KTN1: variants seen among roughly 807,000 people sequenced by gnomAD.
The protein encoded by KTN1 is kinectin.
A neutral mutation model predicts 222.5 loss-of-function variants in KTN1; 130 were observed. The ratio of observed to expected loss-of-function variants is 0.58; its 90% CI spans 0.51 to 0.68. The LOEUF is 0.68. Ranked by LOEUF, KTN1 falls within the 30% of genes least tolerant of loss-of-function variation. KTN1 has a pLI of 0.00. For synonymous variants in KTN1, 512 were observed against 496.3 expected, an observed-to-expected ratio of 1.03 and a Z score of -0.42; for missense variants, 1,508 against 1,500.4, an observed-to-expected ratio of 1.01 and a Z score of -0.08.
chr14:55,628,164 G>T, intron 6 of KTN1, 136 bp downstream of exon 6: 1 of 606,084 alleles, frequency 1.6e-6, no homozygotes, highest in Non-Finnish European at 2.9e-6. Context: ...TAGAGTTTTG[G>T]GAGGGTAGAT....
At chr14:55,581,442 GGTGTGTGTGT>G (rs369432241) in intron 1 of KTN1, among the ~76,000 whole-genome samples, 1 of 150,664 alleles carries the variant, frequency 6.6e-6, no homozygotes, top group African/African-American at 2.4e-5. Context: ...TAACTGTTAA[GGTGTGTGTGT>G]GTGTGTGAGT....
intron 1 of KTN1, among the ~76,000 whole-genome samples, chr14:55,608,687 G>T (rs944778492): frequency 2.0e-5 from 3 of 150,700 alleles, no homozygotes; most frequent in Middle Eastern, 3.4e-3. Context: ...GCAGTGGCGC[G>T]ATCTCAGCTT....
intron 3 of KTN1, 122 bp downstream of exon 3, chr14:55,616,776 T>C (rs2038460952): frequency 1.4e-6 from 1 of 709,918 alleles, no homozygotes; most frequent in Non-Finnish European, 2.3e-6. Flanking sequence ...ACAACTGTAA[T>C]ACTAATGCAG....
chr14:55,652,780 G>C (rs370014468), intron 25 of KTN1, 70 bp from the exon 26 acceptor site: 20 of 983,250 alleles, frequency 2.0e-5, no homozygotes, highest in East Asian at 7.4e-5. Context: ...ACTTTTTTCA[G>C]TGTCTAAGAT....
At chr14:55,649,640 A>C (rs2042741522) in intron 21 of KTN1, 136 bp from the exon 22 acceptor site, 1 of 590,922 alleles carries the variant, frequency 1.7e-6, no homozygotes, top group African/African-American at 2.0e-5. Flanking sequence ...ACATTAAAAA[A>C]GTCTCGAAAG....
chr14:55,671,841 A>G lies in KTN1; in HGVS notation c.3495A>G (p.Lys1165=). The change falls in exon 37 of 44, where the codon AAA becomes AAG. Residue 1165 remains lysine, a synonymous_variant. Transcript: ENST00000395314. ...TTGAGCAAGAAGAAAATAAATGGAA[A>G]GTTAAGGTCGATGAATCACACAAGA... ...RSVEQEENKW[K]VKVDESHKTI... 1 of 1,609,470 alleles carries G rather than the reference A, an allele frequency of 6.2e-7. No homozygotes were observed. The highest frequency in any genetic ancestry group is 8.5e-7 in the Non-Finnish European group (1 of 1,175,908).
At chr14:55,604,412 A>G (rs541355182) in intron 1 of KTN1, among the ~76,000 whole-genome samples, 3 of 152,252 alleles carry the variant, frequency 2.0e-5, no homozygotes, top group South Asian at 4.2e-4. Context: ...ATTCTACTCT[A>G]AATTTTAACC....
intron 22 of KTN1, among the ~76,000 whole-genome samples, chr14:55,650,020 A>G (rs191474677): frequency 6.3e-4 from 96 of 151,620 alleles, no homozygotes; most frequent in African/African-American, 2.1e-3. Flanking sequence ...AAAAAAAACT[A>G]TTTCCAGAGG....
intron 1 of KTN1, among the ~76,000 whole-genome samples, chr14:55,604,575 C>G (rs562960450): frequency 6.6e-6 from 1 of 152,144 alleles, no homozygotes; most frequent in Non-Finnish European, 1.5e-5. Context: ...CTACTTGTTA[C>G]CCTTTCATAT....
At position 55,675,865 on chromosome 14, in the gene KTN1, A is replaced by G. The variant is rs1403434421; in HGVS notation, c.3802A>G (p.Lys1268Glu). The G allele has an allele frequency of 3.1e-6, 5 of 1,613,344 alleles. No individual in the cohort carries two copies. The South Asian group carries it at 4.4e-5, about 14-fold the overall frequency. The change falls in exon 41 of 44, where the codon AAA becomes GAA. Residue 1268 changes from lysine (K) to glutamate (E), a missense_variant. By Grantham distance (56) the Lys-to-Glu change is moderately conservative. Coordinates refer to ENST00000395314, the MANE Select transcript of KTN1 (RefSeq NM_001079521.2). ...LKAQLNETLT[K>E]LRTEQNERQK... ...GGCACAGTTAAATGAAACACTCACAAAACTTAGAACTGAACAAAATGAAAG... is the reference window on the plus strand; with the variant it reads ...GGCACAGTTAAATGAAACACTCACAGAACTTAGAACTGAACAAAATGAAAG...
intron 2 of KTN1, among the ~76,000 whole-genome samples, chr14:55,616,102 A>G (rs1232383473): frequency 1.3e-5 from 2 of 151,648 alleles, no homozygotes; most frequent in African/African-American, 2.4e-5. Flanking sequence ...TTTCGTAGAG[A>G]TGGAGTTTTG....
Position 55,661,375 on chromosome 14 carries a change from C to G in KTN1, c.3000-147C>G, listed in dbSNP as rs1595187029. 15 of 503,144 alleles carry G rather than the reference C, an allele frequency of 3.0e-5. No homozygotes were observed. In the East Asian group the frequency reaches 4.4e-4, roughly 15 times the overall value. 31.2% of individuals were successfully genotyped at this position (503,144 alleles called of 1,614,324 possible). On this transcript the variant is annotated intron_variant, in intron 31 of 43. Transcript: ENST00000395314. ...ATTCATAGGATGGGCTTTGTATGGT[C>G]AACAGTAGGTAGACTCTTTAATGTA...
In KTN1 at chr14:55,631,341, G is replaced by GATATATATATATAT. The variant is rs56190231; in HGVS notation, c.1221+1259_1221+1272dup. ...CTAAAACTCACCTATTGATAAGGTT[G>GATATATATATATAT]ATATATATATATATATATATATATA... On this transcript the variant is annotated intron_variant, in intron 7 of 43. Coordinates refer to ENST00000395314, the MANE Select transcript of KTN1 (RefSeq NM_001079521.2). Among the ~76,000 whole-genome samples the GATATATATATATAT allele has an allele frequency of 4.8e-3, 551 of 114,604 alleles. 9 individuals are homozygous for GATATATATATATAT. The highest frequency in any genetic ancestry group is 0.013 in the Middle Eastern group (3 of 224). 75.2% of individuals were successfully genotyped at this position (114,604 alleles called of 152,430 possible). A position where few individuals can be genotyped will look rare whatever the true frequency, so the allele number is the denominator to read the frequency against.
intron 1 of KTN1, among the ~76,000 whole-genome samples, chr14:55,603,055 A>G (rs1488252084): frequency 6.6e-6 from 1 of 152,136 alleles, no homozygotes; most frequent in South Asian, 2.1e-4. Flanking sequence ...TGGCTGTGCT[A>G]CCATCTAAGG....
intron 43 of KTN1, chr14:55,680,123 C>A: frequency 6.2e-6 from 1 of 161,656 alleles, no homozygotes; most frequent in Admixed American, 6.3e-5. Context: ...GAAGTAAGGT[C>A]ATCACAGTGT....
At chr14:55,607,318 G>A (rs563103241) in intron 1 of KTN1, 31 of 152,182 alleles carry the variant, frequency 2.0e-4, no homozygotes, top group African/African-American at 7.2e-4. Context: ...CATATTATGC[G>A]TGTTAACTTA....
At chr14:55,629,431 A>G (rs1173260321) in intron 6 of KTN1, among the ~76,000 whole-genome samples, 1 of 151,728 alleles carries the variant, frequency 6.6e-6, no homozygotes, top group Non-Finnish European at 1.5e-5. Flanking sequence ...AAAAAAAAAA[A>G]AAAAAAAAAG....
rs901888887 is a variant in KTN1 at position 55,634,433 on chromosome 14, G to C, written c.1329-93G>C. On this transcript the variant is annotated intron_variant, in intron 8 of 43. Coordinates refer to ENST00000395314, the MANE Select transcript of KTN1 (RefSeq NM_001079521.2). ...AGTTGGGCTGTAAATGGAACTACTAGCTCAGCTCAGCAAAACTAACAAAGT... is the reference window on the plus strand; with the variant it reads ...AGTTGGGCTGTAAATGGAACTACTACCTCAGCTCAGCAAAACTAACAAAGT... The C allele has an allele frequency of 4.3e-6, 5 of 1,160,158 alleles. No homozygotes were observed. The African/African-American group carries it at 8.0e-5, about 19-fold the overall frequency. 71.9% of individuals were successfully genotyped at this position (1,160,158 alleles called of 1,614,324 possible). A position where few individuals can be genotyped will look rare whatever the true frequency, so the allele number is the denominator to read the frequency against.
chr14:55,594,789 T>G (rs1358674351), intron 1 of KTN1, among the ~76,000 whole-genome samples: 2 of 152,206 alleles, frequency 1.3e-5, no homozygotes, highest in Non-Finnish European at 2.9e-5. Flanking sequence ...TAAATACACT[T>G]TATACATAAA....
Sources: gnomAD v4.1 joint callset for allele counts (sites outside exome capture counted in the v4.1 genomes callset) on GRCh38, gnomAD v4.1.1 for gene constraint, MANE v1.5 for transcripts, NCBI Gene and HGNC (gene_info 2026-07-23, HGNC 2026-07-21) for gene names.